The following DNAH12 variants were observed in gnomAD, a reference collection of about 807,000 sequenced individuals.
DNAH12 encodes axonemal beta dynein heavy chain 12.
Under a neutral mutation model 371.5 loss-of-function variants are expected in DNAH12, and 285 were observed. The observed-to-expected ratio is 0.77, with a 90% CI of 0.70 to 0.85. DNAH12 has a LOEUF of 0.85. DNAH12 is among the 40% of genes least tolerant of loss of function. The pLI, the probability that DNAH12 is intolerant of heterozygous loss-of-function variation, is 0.00. For synonymous variants in DNAH12, 1,200 were observed against 1,213.0 expected (o/e 0.99, Z 0.22); for missense variants, 3,611 against 3,689.4 (o/e 0.98, Z 0.55).
chr3:57,336,007 G>A lies in DNAH12; in HGVS notation c.9675-1067C>T, dbSNP rs79888751. Among the ~76,000 whole-genome samples, 1,000 of 152,164 alleles carry A rather than the reference G, an allele frequency of 6.6e-3. 6 individuals carry two copies. Among genetic ancestry groups the A allele is most frequent in the Middle Eastern group, 0.017 (5 of 294 alleles). On this transcript the variant is annotated intron_variant, in intron 60 of 73. Transcript: ENST00000495027. ...CGTCTTCTTTTTTTTAAGAGATGGC[G>A]AACTGCTCTGTCATCTAGCCTGGAA...
chr3:57,343,897 T>C (rs1303971986), intron 60 of DNAH12, among the ~76,000 whole-genome samples: 4 of 152,222 alleles, frequency 2.6e-5, no homozygotes, highest in Non-Finnish European at 5.9e-5. Context: ...CATACACGTC[T>C]AGGCATAGTA....
intron 13 of DNAH12, among the ~76,000 whole-genome samples, chr3:57,482,694 T>G (rs1559707034): frequency 6.6e-6 from 1 of 151,896 alleles, no homozygotes; most frequent in Non-Finnish European, 1.5e-5. Context: ...AATGATAGAC[T>G]GGATTAAGAA....
At position 57,365,515 on chromosome 3, in the gene DNAH12, T is replaced by C. The variant is rs1352616152; in HGVS notation, c.9167+1214A>G. On this transcript the variant is annotated intron_variant, in intron 57 of 73. Transcript: ENST00000495027. ...AATAGCTAATGCATGCTGGGCTTAATACCTAGGTGATGGGTTGATAAGCGC... is the reference window on the plus strand; with the variant it reads ...AATAGCTAATGCATGCTGGGCTTAACACCTAGGTGATGGGTTGATAAGCGC... 1.1e-4 allele frequency among the ~76,000 whole-genome samples: 17 copies of C among 152,226 alleles called. No individual in the cohort carries two copies. In the South Asian group the frequency reaches 2.3e-3, roughly 20 times the overall value.
chr3:57,495,992 T>G (rs1443013615), intron 11 of DNAH12, among the ~76,000 whole-genome samples: 1 of 142,328 alleles, frequency 7.0e-6, no homozygotes, highest in Non-Finnish European at 1.5e-5. Flanking sequence ...TTATATATAT[T>G]ATATATATAT....
intron 2 of DNAH12, among the ~76,000 whole-genome samples, chr3:57,527,489 T>C (rs1334791209): frequency 6.6e-6 from 1 of 152,116 alleles, no homozygotes; most frequent in African/African-American, 2.4e-5. Flanking sequence ...CTTATAATCA[T>C]GGTGGAAGGT....
At chr3:57,533,161 C>T (rs1173774637) in intron 2 of DNAH12, among the ~76,000 whole-genome samples, 1 of 152,182 alleles carries the variant, frequency 6.6e-6, no homozygotes, top group African/African-American at 2.4e-5. Flanking sequence ...CCAATGTTCA[C>T]TTAAGGCCCA....
intron 37 of DNAH12, among the ~76,000 whole-genome samples, chr3:57,416,778 G>A (rs1211374770): frequency 6.6e-6 from 1 of 152,078 alleles, no homozygotes; most frequent in Non-Finnish European, 1.5e-5. Context: ...TCCCCATTCA[G>A]TGAATGGGGA....
intron 55 of DNAH12, among the ~76,000 whole-genome samples, chr3:57,374,803 A>C (rs2063248771): frequency 6.6e-6 from 1 of 152,168 alleles, no homozygotes; most frequent in African/African-American, 2.4e-5. Flanking sequence ...TAACATATAC[A>C]TTATGATTCC....
chr3:57,396,290 C>CAAAAAAAAAAAAAAAAAAAA (rs1159748997), intron 43 of DNAH12, among the ~76,000 whole-genome samples: 7 of 68,568 alleles, frequency 1.0e-4, no homozygotes, highest in Non-Finnish European at 1.4e-4. Context: ...AAAAAAAAAA[C>CAAAAAAAAAAAAAAAAAAAA]AAAAAAAAAA....
At chr3:57,551,432 C>T in the DNAH12 span, among the ~76,000 whole-genome samples, 1 of 151,566 alleles carries the variant, frequency 6.6e-6, no homozygotes, top group Non-Finnish European at 1.5e-5. Flanking sequence ...CGACCACGCC[C>T]TGCTAATTTT....
chr3:57,447,859 G>A (rs545252605), intron 25 of DNAH12, among the ~76,000 whole-genome samples: 35 of 152,148 alleles, frequency 2.3e-4, no homozygotes, highest in Non-Finnish European at 4.4e-4. Context: ...ATTTTTAGTA[G>A]AGAAGAGGTC....
intron 11 of DNAH12, among the ~76,000 whole-genome samples, chr3:57,495,927 A>G (rs1198632223): frequency 7.1e-6 from 1 of 140,978 alleles, no homozygotes; most frequent in African/African-American, 2.8e-5. Flanking sequence ...CTATATTTAT[A>G]TATATTTTAT....
At chr3:57,443,117 ATTT>A (rs1365639868) in intron 29 of DNAH12, among the ~76,000 whole-genome samples, 1 of 152,010 alleles carries the variant, frequency 6.6e-6, no homozygotes, top group African/African-American at 2.4e-5. Flanking sequence ...TTTATTTATT[ATTT>A]TTATTTTAAG....
At chr3:57,388,682 A>G (rs2063546005) in intron 45 of DNAH12, among the ~76,000 whole-genome samples, 2 of 152,194 alleles carry the variant, frequency 1.3e-5, no homozygotes, top group African/African-American at 4.8e-5. Flanking sequence ...AGACTGGATT[A>G]AGAAAATGTG....
In DNAH12 at chr3:57,408,490, C is replaced by G; in HGVS notation, c.6066G>C (p.Glu2022Asp). Reference protein sequence around the residue: ...DTSKITLVDIELIAAMGPPGG... With the variant: ...DTSKITLVDIDLIAAMGPPGG... ...CTGGAGGGCCCATTGCAGCAATCAGCTCTATGTCCACCAGCGTGATTTTAC... is the reference window on the plus strand; with the variant it reads ...CTGGAGGGCCCATTGCAGCAATCAGGTCTATGTCCACCAGCGTGATTTTAC... Residue 2022 changes from glutamate (E) to aspartate (D), a missense_variant, in exon 40 of 74, where the codon GAG becomes GAC. By Grantham distance (45) the Glu-to-Asp change is conservative. Transcript: ENST00000495027. 6.4e-7 allele frequency: 1 copy of G among 1,551,066 alleles called. No individual in the cohort carries two copies. Among genetic ancestry groups the G allele is most frequent in the Non-Finnish European group, 8.7e-7 (1 of 1,146,708 alleles).
chr3:57,412,740 C>T (rs548495693), intron 39 of DNAH12, among the ~76,000 whole-genome samples: 1 of 152,150 alleles, frequency 6.6e-6, no homozygotes, highest in African/African-American at 2.4e-5. Flanking sequence ...AATGAAATAC[C>T]ACCACACACT....
intron 51 of DNAH12, among the ~76,000 whole-genome samples, 161 bp downstream of exon 51, chr3:57,380,117 G>C (rs1280554261): frequency 6.6e-6 from 1 of 151,976 alleles, no homozygotes; most frequent in Non-Finnish European, 1.5e-5. Flanking sequence ...TAAACATTAT[G>C]AAAACTCATA....
chr3:57,479,779 A>G (rs9681723), intron 13 of DNAH12, among the ~76,000 whole-genome samples: 101,521 of 151,944 alleles, frequency 0.67, 34,171 homozygotes, highest in South Asian at 0.75. Context: ...ACTCAAAACC[A>G]CTCAACTACA....
intron 13 of DNAH12, among the ~76,000 whole-genome samples, chr3:57,476,001 A>G (rs1025686177): frequency 2.0e-5 from 3 of 152,352 alleles, no homozygotes; most frequent in Non-Finnish European, 4.4e-5. Flanking sequence ...AGAAACAACC[A>G]AATATCCAGA....
Sources: gnomAD v4.1 joint callset for allele counts (sites outside exome capture counted in the v4.1 genomes callset) on GRCh38, gnomAD v4.1.1 for gene constraint, MANE v1.5 for transcripts, NCBI Gene and HGNC (gene_info 2026-07-23, HGNC 2026-07-21) for gene names.